The following CNTN1 variants were observed in gnomAD, a reference collection of about 807,000 sequenced individuals.
The protein encoded by CNTN1 is contactin 1.
In CNTN1, 38 loss-of-function variants were observed where a neutral mutation model predicts 126.4. The observed-to-expected ratio is 0.30, with a 90% CI of 0.23 to 0.39. The LOEUF (loss-of-function observed/expected upper bound fraction) is 0.39. Ranked by LOEUF, CNTN1 falls within the 10% of genes least tolerant of loss-of-function variation. The pLI is 1.00. For synonymous variants in CNTN1, 413 were observed against 422.6 expected, an observed-to-expected ratio of 0.98 and a Z score of 0.28; for missense variants, 1,009 against 1,248.4, an observed-to-expected ratio of 0.81 and a Z score of 2.89.
Position 41,071,039 on chromosome 12 carries a change from C to A in CNTN1, c.*1004C>A, listed in dbSNP as rs1205565753. On this transcript the variant is annotated 3_prime_UTR_variant, in exon 24 of 24. Coordinates refer to ENST00000551295, the MANE Select transcript of CNTN1 (RefSeq NM_001843.4). ...TTGCAGATGTCAGATCAAAAAGTCACCTGTAGGTTGAAAAAGCTACCGTAT... is the reference window on the plus strand; with the variant it reads ...TTGCAGATGTCAGATCAAAAAGTCAACTGTAGGTTGAAAAAGCTACCGTAT... 7 of 151,714 alleles carry A rather than the reference C, an allele frequency of 4.6e-5. No individual in the cohort carries two copies. The highest frequency in any genetic ancestry group is 1.7e-4 in the African/African-American group (7 of 41,356). The allele number at this position is 151,714 out of a possible 1,614,324, so 9.4% of individuals were successfully genotyped here.
intron 23 of CNTN1, among the ~76,000 whole-genome samples, chr12:41,032,395 AAAAG>A (rs67086810): frequency 0.033 from 5,088 of 151,962 alleles, 116 homozygotes; most frequent in Middle Eastern, 0.11. Flanking sequence ...AAAAAGAAAA[AAAAG>A]AAAGAAAGAT....
intron 1 of CNTN1, among the ~76,000 whole-genome samples, chr12:40,887,081 G>A (rs1328214246): frequency 6.6e-6 from 1 of 152,122 alleles, no homozygotes; most frequent in Non-Finnish European, 1.5e-5. Context: ...GAACTTTAAA[G>A]TAGTTTTTTC....
intron 17 of CNTN1, among the ~76,000 whole-genome samples, chr12:41,004,105 T>C (rs908522811): frequency 6.6e-5 from 10 of 152,206 alleles, no homozygotes; most frequent in Non-Finnish European, 1.2e-4. Flanking sequence ...CTCTTAACAC[T>C]GCATTAGCTG....
intron 1 of CNTN1, among the ~76,000 whole-genome samples, chr12:40,859,450 T>C (rs1943043453): frequency 6.6e-6 from 1 of 152,166 alleles, no homozygotes; most frequent in Non-Finnish European, 1.5e-5. Flanking sequence ...CTATCTGATC[T>C]TTTTATCACA....
chr12:41,045,115 A>G (rs1183422371), intron 23 of CNTN1, among the ~76,000 whole-genome samples: 1 of 152,170 alleles, frequency 6.6e-6, no homozygotes, highest in Admixed American at 6.6e-5. Context: ...TATTCTTTAC[A>G]CTCAAGTGGA....
Position 41,027,951 on chromosome 12 carries a change from T to A in CNTN1, c.2805T>A (p.Ser935=), listed in dbSNP as rs780778743. The stretch of plus-strand genomic sequence containing the variant: ...ATGTCGTTGCACTATCAAATGAATC[T>A]ACAGTGACGGGATATAAGGTATATA... ...WDHVVALSNE[S]TVTGYKVLYR... The change falls in exon 22 of 24, where the codon TCT becomes TCA. Residue 935 remains serine (S), a synonymous_variant. Coordinates refer to ENST00000551295, the MANE Select transcript of CNTN1 (RefSeq NM_001843.4). 5.0e-6 allele frequency: 8 copies of A among 1,602,226 alleles called. No homozygotes were observed. In the East Asian group the frequency reaches 8.9e-5, roughly 18 times the overall value.
chr12:40,868,840 C>T lies in CNTN1; in HGVS notation c.-76-39517C>T, dbSNP rs377649849. Among the ~76,000 whole-genome samples, 6 of 152,172 alleles carry T rather than the reference C, an allele frequency of 3.9e-5. No individual in the cohort carries two copies. In the East Asian group the frequency reaches 5.8e-4, roughly 15 times the overall value. ...AGCAGCTGTAACCTCACATGTCCCC[C>T]GCCACTGGTACTGTGCTAGAAAGCA... is the stretch of plus-strand genomic sequence containing the variant. On this transcript the variant is annotated intron_variant, in intron 1 of 23. Transcript: ENST00000551295.
rs527805694 is a variant in CNTN1 at position 40,749,936 on chromosome 12, A to G, written c.-77+57344A>G. Among the ~76,000 whole-genome samples, 5 of 152,142 alleles carry G rather than the reference A, an allele frequency of 3.3e-5. No homozygotes were observed. In the South Asian group the frequency reaches 8.3e-4, roughly 25 times the overall value. On this transcript the variant is annotated intron_variant, in intron 1 of 23. Coordinates refer to ENST00000551295, the MANE Select transcript of CNTN1 (RefSeq NM_001843.4). The stretch of plus-strand genomic sequence containing the variant: ...TAGGAAGTTCTGACTCTCAAGAAGG[A>G]AGGAGTGATCCACTGTCTCAAATTC...
intron 20 of CNTN1, among the ~76,000 whole-genome samples, chr12:41,023,744 C>T (rs1259520407): frequency 1.3e-5 from 2 of 152,052 alleles, no homozygotes; most frequent in Admixed American, 6.6e-5. Context: ...TATGGTGAGC[C>T]GAAACTGATT....
chr12:40,952,142 C>G (rs1411773272), intron 14 of CNTN1, among the ~76,000 whole-genome samples: 6 of 150,524 alleles, frequency 4.0e-5, no homozygotes, highest in Non-Finnish European at 8.9e-5. Context: ...ATCCAGTTAT[C>G]TGATCTATTA....
chr12:40,801,989 A>G (rs1056423269), intron 1 of CNTN1, among the ~76,000 whole-genome samples: 6 of 152,024 alleles, frequency 3.9e-5, no homozygotes, highest in African/African-American at 1.2e-4. Flanking sequence ...GATGGATACA[A>G]TATATAATTA....
chr12:41,059,551 T>C (rs935556848), intron 23 of CNTN1, among the ~76,000 whole-genome samples: 5 of 152,224 alleles, frequency 3.3e-5, no homozygotes, highest in South Asian at 2.1e-4. Context: ...TTCTGGTTTA[T>C]GTTCAATACC....
At chr12:40,870,668 G>A (rs1943454392) in intron 1 of CNTN1, among the ~76,000 whole-genome samples, 1 of 152,088 alleles carries the variant, frequency 6.6e-6, no homozygotes. Flanking sequence ...ATGGGTGAAG[G>A]AATGACAGAG....
chr12:40,703,152 T>C (rs1275642004), intron 1 of CNTN1, among the ~76,000 whole-genome samples: 2 of 152,120 alleles, frequency 1.3e-5, no homozygotes, highest in African/African-American at 4.8e-5. Context: ...CTAGTACTAT[T>C]ATCAGTCTTT....
intron 1 of CNTN1, among the ~76,000 whole-genome samples, chr12:40,701,837 TC>T (rs1565618306): frequency 6.6e-6 from 1 of 152,140 alleles, no homozygotes; most frequent in Admixed American, 6.5e-5. Context: ...TCTTTCCTTT[TC>T]CCTTTTTCAT....
intron 1 of CNTN1, among the ~76,000 whole-genome samples, chr12:40,765,473 A>T (rs913961484): frequency 1.3e-5 from 2 of 152,170 alleles, no homozygotes; most frequent in Non-Finnish European, 2.9e-5. Flanking sequence ...ATGTATTTCA[A>T]CTTCAGAGAT....
chr12:40,693,623 T>A (rs1941364177), intron 1 of CNTN1, among the ~76,000 whole-genome samples: 1 of 152,172 alleles, frequency 6.6e-6, no homozygotes, highest in Non-Finnish European at 1.5e-5. Flanking sequence ...TTTATTTATT[T>A]ATTTTCATGC....
At chr12:41,056,968 TATAAA>T (rs1949824212) in intron 23 of CNTN1, among the ~76,000 whole-genome samples, 3 of 94,022 alleles carry the variant, frequency 3.2e-5, no homozygotes, top group East Asian at 3.0e-4. Flanking sequence ...TTATAAATAT[TATAAA>T]TATTTAGATA....
intron 1 of CNTN1, among the ~76,000 whole-genome samples, chr12:40,765,748 T>C (rs10879149): frequency 0.26 from 39,945 of 152,030 alleles, 5,591 homozygotes; most frequent in African/African-American, 0.34. Flanking sequence ...TTTTTGCCAA[T>C]AGAAAATTTA....
Sources: gnomAD v4.1 joint callset for allele counts (sites outside exome capture counted in the v4.1 genomes callset) on GRCh38, gnomAD v4.1.1 for gene constraint, MANE v1.5 for transcripts, NCBI Gene and HGNC (gene_info 2026-07-23, HGNC 2026-07-21) for gene names.